The following AUTS2 variants were observed in gnomAD, a reference collection of about 807,000 sequenced individuals.
AUTS2 encodes the protein activator of transcription and developmental regulator AUTS2, also known as autism susceptibility gene 2 protein.
A neutral mutation model predicts 112.4 loss-of-function variants in AUTS2; 17 were observed. That is an observed-to-expected ratio of 0.15 (90% confidence interval 0.10 to 0.23). The LOEUF (loss-of-function observed/expected upper bound fraction) is 0.23, where lower values mean the gene tolerates loss of function less well. Among genes scored for constraint, AUTS2 ranks in the 10% least tolerant of loss-of-function variants. The pLI is 1.00. For missense variants in AUTS2, 1,510 were observed against 1,701.6 expected (o/e 0.89, Z 1.98); for synonymous variants, 751 against 702.7 (o/e 1.07, Z -1.09).
At chr7:70,064,993 G>A (rs1260117886) in intron 2 of AUTS2, among the ~76,000 whole-genome samples, 3 of 152,276 alleles carry the variant, frequency 2.0e-5, no homozygotes, top group African/African-American at 7.2e-5. Flanking sequence ...CTCATCAATT[G>A]TTGAATAAAT....
At chr7:70,033,835 G>A (rs184841925) in intron 2 of AUTS2, among the ~76,000 whole-genome samples, 2 of 152,200 alleles carry the variant, frequency 1.3e-5, no homozygotes, top group African/African-American at 4.8e-5. Context: ...GGAGGATAGG[G>A]AGAATTGGTA....
chr7:70,102,686 G>C (rs954744941), intron 2 of AUTS2, among the ~76,000 whole-genome samples: 1 of 151,990 alleles, frequency 6.6e-6, no homozygotes, highest in Non-Finnish European at 1.5e-5. Context: ...AAGTCAGACA[G>C]CAATTTCATG....
At chr7:70,401,381 A>T (rs534476395) in intron 4 of AUTS2, among the ~76,000 whole-genome samples, 3 of 152,160 alleles carry the variant, frequency 2.0e-5, no homozygotes, top group Non-Finnish European at 4.4e-5. Flanking sequence ...CTTCTGTTGC[A>T]AGCCACTTGT....
chr7:70,410,397 C>CTTTT lies in AUTS2; in HGVS notation c.661-25354_661-25351dup, dbSNP rs1554394734. On this transcript the variant is annotated intron_variant, in intron 4 of 18. Coordinates refer to ENST00000342771, the MANE Select transcript of AUTS2 (RefSeq NM_015570.4). ...AAGGCTCTGTCTTAGGAGGGTTTGTCTTTTATTTATTTATTTATTTATTTA... is the reference window on the plus strand; with the variant it reads ...AAGGCTCTGTCTTAGGAGGGTTTGTCTTTTTTTTATTTATTTATTTATTTATTTA... 4.5e-3 allele frequency among the ~76,000 whole-genome samples: 554 copies of CTTTT among 123,320 alleles called. 4 individuals carry two copies. The highest frequency in any genetic ancestry group is 0.014 in the African/African-American group (496 of 35,592). 80.9% of individuals were successfully genotyped at this position (123,320 alleles called of 152,430 possible).
In AUTS2 at chr7:70,219,600, C is replaced by T. The variant is rs576853422; in HGVS notation, c.660+85029C>T. ...TTTTTTTTTTTTTTTGAGAGAGAGT[C>T]TCGCTCTGTTGCCTAGGCTGGAGTG... On this transcript the variant is annotated intron_variant, in intron 4 of 18. Coordinates refer to ENST00000342771, the MANE Select transcript of AUTS2 (RefSeq NM_015570.4). Among the ~76,000 whole-genome samples, 432 of 146,068 alleles carry T rather than the reference C, an allele frequency of 3.0e-3. 5 individuals are homozygous for T. The highest frequency in any genetic ancestry group is 0.011 in the African/African-American group (419 of 39,566).
chr7:70,415,551 CAA>C (rs796090407), intron 4 of AUTS2, among the ~76,000 whole-genome samples: 5 of 150,836 alleles, frequency 3.3e-5, no homozygotes, highest in African/African-American at 1.2e-4. Context: ...CTCATGCAGA[CAA>C]AAAAAAAGTG....
chr7:70,736,334 T>A (rs1243626043), intron 6 of AUTS2, among the ~76,000 whole-genome samples: 1 of 146,532 alleles, frequency 6.8e-6, no homozygotes, highest in African/African-American at 2.5e-5. Flanking sequence ...ATGGACATTA[T>A]GAAAAGTAGA....
chr7:70,729,692 G>C (rs892735733), intron 6 of AUTS2, among the ~76,000 whole-genome samples: 2 of 152,166 alleles, frequency 1.3e-5, no homozygotes, highest in African/African-American at 2.4e-5. Flanking sequence ...CCTGAAACCT[G>C]AAGACTTCAG....
At chr7:69,824,643 C>A (rs1227892099) in intron 1 of AUTS2, 1 of 151,974 alleles carries the variant, frequency 6.6e-6, no homozygotes, top group Non-Finnish European at 1.5e-5. Context: ...ACTGGAGTGT[C>A]TGCGTTTCCT....
intron 2 of AUTS2, among the ~76,000 whole-genome samples, chr7:70,038,760 G>A (rs555225801): frequency 5.1e-4 from 77 of 151,974 alleles, no homozygotes; most frequent in African/African-American, 1.8e-3. Context: ...CTGAGCCCTG[G>A]GTTTCTAATT....
intron 2 of AUTS2, among the ~76,000 whole-genome samples, chr7:69,944,144 C>T (rs1200950819): frequency 1.3e-5 from 2 of 152,156 alleles, no homozygotes; most frequent in Admixed American, 6.6e-5. Context: ...AGACAGTGTC[C>T]TCCATGACAG....
intron 4 of AUTS2, among the ~76,000 whole-genome samples, chr7:70,205,406 T>G (rs905044430): frequency 6.6e-6 from 1 of 152,138 alleles, no homozygotes; most frequent in African/African-American, 2.4e-5. Flanking sequence ...GCAAATGCAG[T>G]CATGCACCAT....
intron 1 of AUTS2, among the ~76,000 whole-genome samples, chr7:69,870,625 C>T (rs1793454502): frequency 1.3e-5 from 2 of 151,498 alleles, no homozygotes; most frequent in African/African-American, 4.8e-5. Context: ...GCTTACTTGT[C>T]TTACACTTCT....
chr7:69,696,180 G>A (rs1034370784), intron 1 of AUTS2, among the ~76,000 whole-genome samples: 1 of 152,142 alleles, frequency 6.6e-6, no homozygotes, highest in Non-Finnish European at 1.5e-5. Context: ...AGAAGCCTGC[G>A]GTTAGCCTCG....
intron 1 of AUTS2, among the ~76,000 whole-genome samples, chr7:69,892,742 C>T (rs1359900005): frequency 6.6e-6 from 1 of 152,160 alleles, no homozygotes; most frequent in Non-Finnish European, 1.5e-5. Flanking sequence ...TTAGGTTTTA[C>T]ATTCAGGTTT....
At chr7:70,314,659 T>C (rs995275207) in intron 4 of AUTS2, among the ~76,000 whole-genome samples, 1 of 152,238 alleles carries the variant, frequency 6.6e-6, no homozygotes, top group African/African-American at 2.4e-5. Context: ...CTTTATTATG[T>C]GTAGATAGCT....
At chr7:70,296,804 T>A (rs1245762092) in intron 4 of AUTS2, among the ~76,000 whole-genome samples, 4 of 151,878 alleles carry the variant, frequency 2.6e-5, no homozygotes, top group Non-Finnish European at 5.9e-5. Flanking sequence ...GAAATTAACA[T>A]ATCAAAGCTA....
chr7:69,699,091 C>G (rs989539113), intron 1 of AUTS2, among the ~76,000 whole-genome samples: 13 of 152,128 alleles, frequency 8.5e-5, no homozygotes. Context: ...AATTTGGAGA[C>G]TGGTCACTTA....
chr7:69,877,192 T>C (rs1793841843), intron 1 of AUTS2, among the ~76,000 whole-genome samples: 1 of 152,220 alleles, frequency 6.6e-6, no homozygotes, highest in African/African-American at 2.4e-5. Flanking sequence ...CTAGTTACTC[T>C]GTCAATGAAT....
Sources: gnomAD v4.1 joint callset for allele counts (sites outside exome capture counted in the v4.1 genomes callset) on GRCh38, gnomAD v4.1.1 for gene constraint, MANE v1.5 for transcripts, NCBI Gene and HGNC (gene_info 2026-07-23, HGNC 2026-07-21) for gene names.